The following SPG21 variants were observed in gnomAD, a reference collection of about 807,000 sequenced individuals.
SPG21 encodes SPG21 abhydrolase domain containing, maspardin.
Under a neutral mutation model 38.9 loss-of-function variants are expected in SPG21, and 26 were observed. That is an observed-to-expected ratio of 0.67 (90% confidence interval 0.49 to 0.93). The LOEUF (loss-of-function observed/expected upper bound fraction) is 0.93. Ranked by LOEUF, SPG21 falls within the 40% of genes least tolerant of loss-of-function variation. The pLI, the probability that SPG21 is intolerant of heterozygous loss-of-function variation, is 0.00. For missense variants in SPG21, 333 were observed against 376.5 expected (o/e 0.88, Z 0.96); for synonymous variants, 136 against 128.9 (o/e 1.05, Z -0.37).
At chr15:64,984,330 C>T (rs929275605) in intron 1 of SPG21, among the ~76,000 whole-genome samples, 4 of 152,050 alleles carry the variant, frequency 2.6e-5, no homozygotes, top group African/African-American at 7.2e-5. Context: ...GGATAGTCCA[C>T]GCTAGAGAAA....
Position 64,980,758 on chromosome 15 carries a change from AAC to A in SPG21, c.225+104_225+105del, listed in dbSNP as rs2085867874. 6.8e-6 allele frequency: 9 copies of A among 1,324,264 alleles called. No individual in the cohort carries two copies. In the South Asian group the frequency reaches 7.6e-5, roughly 11 times the overall value. The allele number at this position is 1,324,264 out of a possible 1,614,324, so 82.0% of individuals were successfully genotyped here. A position where few individuals can be genotyped will look rare whatever the true frequency, so the allele number is the denominator to read the frequency against. On this transcript the variant is annotated intron_variant, in intron 3 of 8. Transcript: ENST00000204566. The stretch of plus-strand genomic sequence containing the variant: ...ATCTCAACAAACAAACAAACAAACA[AAC>A]AAACAAACAAACTGTGCCCATTACT...
chr15:64,970,483 C>T (rs1171747908), intron 5 of SPG21, among the ~76,000 whole-genome samples: 2 of 152,166 alleles, frequency 1.3e-5, no homozygotes, highest in East Asian at 3.8e-4. Flanking sequence ...GATAGACATT[C>T]TGATGAGTCC....
intron 8 of SPG21, among the ~76,000 whole-genome samples, 166 bp from the exon 9 acceptor site, chr15:64,963,902 G>T (rs1166085440): frequency 6.6e-6 from 1 of 152,016 alleles, no homozygotes; most frequent in Non-Finnish European, 1.5e-5. Flanking sequence ...GATTACAGGT[G>T]CCCGCCACCA....
In SPG21 at chr15:64,963,692, G is replaced by T; in HGVS notation, c.855C>A (p.Asp285Glu). The T allele has an allele frequency of 1.9e-6, 3 of 1,614,116 alleles. No individual in the cohort carries two copies. The highest frequency in any genetic ancestry group is 2.5e-6 in the Non-Finnish European group (3 of 1,180,006). Residue 285 changes from aspartate (D) to glutamate (E), a missense_variant, in exon 9 of 9, where the codon GAC (aspartate) becomes GAA (glutamate). Asp to Glu is a conservative substitution (Grantham distance 45). Transcript: ENST00000204566. ...GCTCCTCGGCACTGACCATTGATGGGTCAATGGCCGCGTATTTGGTTCCAT... is the reference window on the plus strand; with the variant it reads ...GCTCCTCGGCACTGACCATTGATGGTTCAATGGCCGCGTATTTGGTTCCAT... ...QFHGTKYAAI[D>E]PSMVSAEELE...
At chr15:64,976,116 TA>T (rs1217122676) in intron 4 of SPG21, among the ~76,000 whole-genome samples, 1 of 152,172 alleles carries the variant, frequency 6.6e-6, no homozygotes, top group African/African-American at 2.4e-5. Context: ...TATGTTGCAA[TA>T]AAGCTATTAT....
At position 64,963,724 on chromosome 15, in the gene SPG21, G is replaced by T; in HGVS notation, c.823C>A (p.Gln275Lys). 1.2e-6 allele frequency: 2 copies of T among 1,613,826 alleles called. No individual in the cohort carries two copies. The highest frequency in any genetic ancestry group is 1.7e-6 in the Non-Finnish European group (2 of 1,179,796). Residue 275 changes from glutamine to lysine, a missense_variant, in exon 9 of 9, where the codon CAA (glutamine) becomes AAA (lysine). Physicochemically the swap from Gln to Lys is moderately conservative, Grantham distance 53. Transcript: ENST00000204566. Reference protein sequence around the residue: ...VNLYVQIHLLQFHGTKYAAID... With the variant: ...VNLYVQIHLLKFHGTKYAAID... The stretch of plus-strand genomic sequence containing the variant: ...GCCGCGTATTTGGTTCCATGGAATT[G>T]CAGCAAATGTATCTGTTGAAATGCA...
At chr15:64,976,362 T>C (rs534486300) in intron 4 of SPG21, 113 bp downstream of exon 4, 2 of 697,552 alleles carry the variant, frequency 2.9e-6, no homozygotes, top group Admixed American at 2.3e-5. Context: ...GAGGTGGAGG[T>C]TGCGGTGAGC....
intron 3 of SPG21, among the ~76,000 whole-genome samples, chr15:64,976,902 A>C (rs1251405556): frequency 3.9e-5 from 6 of 152,238 alleles, no homozygotes; most frequent in Non-Finnish European, 8.8e-5. Flanking sequence ...TTTTCTCTTA[A>C]ATCTAATTTC....
chr15:64,968,869 C>T (rs2085602604), intron 7 of SPG21, among the ~76,000 whole-genome samples: 1 of 152,064 alleles, frequency 6.6e-6, no homozygotes, highest in African/African-American at 2.4e-5. Context: ...AATGGGTAGA[C>T]TCCCTTGTTT....
chr15:64,983,544 TC>T lies in SPG21; in HGVS notation c.25del (p.Asp9IlefsTer58). 1 of 1,579,144 alleles carries T rather than the reference TC, an allele frequency of 6.3e-7. No individual in the cohort carries two copies. Among genetic ancestry groups the T allele is most frequent in the Non-Finnish European group, 8.6e-7 (1 of 1,158,550 alleles). On this transcript the variant is annotated frameshift_variant, in exon 2 of 9. Coordinates refer to ENST00000204566, the MANE Select transcript of SPG21 (RefSeq NM_016630.7). LOFTEE classifies it high-confidence loss of function. Reference protein sequence around the residue: MGEIKVSPDYNWFRGTVPL... With the variant: MGEIKVSPXYNWFRGTVPL... ...AACTGTACCTCTAAACCAGTTATAA[TC>T]AGGAGAGACTTTAATCTCTCCCATG...
chr15:64,974,578 CA>C (rs2085738514), intron 5 of SPG21, 23 bp downstream of exon 5: 1 of 1,613,840 alleles, frequency 6.2e-7, no homozygotes, highest in East Asian at 2.2e-5. Context: ...TTTCACTGAA[CA>C]AAAAAAGTAA....
chr15:64,983,095 TA>T, intron 2 of SPG21: 4 of 264,856 alleles, frequency 1.5e-5, no homozygotes, highest in South Asian at 3.0e-5. Context: ...CTGCCTCTAC[TA>T]AAAATACAAA....
intron 1 of SPG21, chr15:64,988,680 G>A (rs1185753375): frequency 1.3e-5 from 2 of 152,248 alleles, no homozygotes. Flanking sequence ...TTTGGACACA[G>A]CTATTAAGTT....
rs371204942 is a variant in SPG21, at chr15:64,974,690, T to C, written c.364A>G (p.Thr122Ala). 9.3e-6 allele frequency: 15 copies of C among 1,614,094 alleles called. No homozygotes were observed. The highest frequency in any genetic ancestry group is 1.6e-4 in the Middle Eastern group (1 of 6,062). ...GFLAQKFAEY[T>A]HKSPRVHSLI... ...GAATGGACTCTAGGAGATTTGTGAG[T>C]GTATTCAGCAAATTTCTGGGCCAAA... The change falls in exon 5 of 9, where the codon ACT (threonine) becomes GCT (alanine). Residue 122 changes from threonine (T) to alanine (A), a missense_variant. Coordinates refer to ENST00000204566, the MANE Select transcript of SPG21 (RefSeq NM_016630.7).
In SPG21 at chr15:64,964,055, C is replaced by T. The variant is rs115176228; in HGVS notation, c.811-319G>A. Among the ~76,000 whole-genome samples the T allele has an allele frequency of 7.5e-3, 1,143 of 152,230 alleles. 8 individuals are homozygous for T. Among genetic ancestry groups the T allele is most frequent in the African/African-American group, 0.026 (1,086 of 41,534 alleles). The stretch of plus-strand genomic sequence containing the variant: ...ACAGGTGTGAGCCACTGCACCCTGC[C>T]AGAATCATTGTTTTAAATGGCTGCA... On this transcript the variant is annotated intron_variant, in intron 8 of 8. Transcript: ENST00000204566.
chr15:64,987,704 C>T (rs1458777919), intron 1 of SPG21, among the ~76,000 whole-genome samples: 2 of 152,198 alleles, frequency 1.3e-5, no homozygotes, highest in Non-Finnish European at 2.9e-5. Flanking sequence ...TGTGGACTCC[C>T]TGTCTTCTCT....
At chr15:64,980,557 C>T (rs1401182725) in intron 3 of SPG21, among the ~76,000 whole-genome samples, 3 of 151,852 alleles carry the variant, frequency 2.0e-5, no homozygotes, top group East Asian at 1.9e-4. Context: ...GCCAACACGG[C>T]GAAACCCCGT....
Position 64,965,309 on chromosome 15 carries a change from C to T in SPG21, c.810+11G>A. The T allele has an allele frequency of 6.2e-7, 1 of 1,614,182 alleles. No homozygotes were observed. The highest frequency in any genetic ancestry group is 8.5e-7 in the Non-Finnish European group (1 of 1,180,036). ...GGCTCAGAGTGCTCTGGGTTTCAAG[C>T]TAGGCCTTACCTGTACATAAAGATT... is the stretch of plus-strand genomic sequence containing the variant. On this transcript the variant is annotated intron_variant, in intron 8 of 8. Coordinates refer to ENST00000204566, the MANE Select transcript of SPG21 (RefSeq NM_016630.7).
At chr15:64,977,105 G>T (rs140707159) in intron 3 of SPG21, among the ~76,000 whole-genome samples, 20 of 152,046 alleles carry the variant, frequency 1.3e-4, no homozygotes, top group Non-Finnish European at 2.1e-4. Context: ...CTCCTCTGTT[G>T]CCCAGGCTGG....
Sources: gnomAD v4.1 joint callset for allele counts (sites outside exome capture counted in the v4.1 genomes callset) on GRCh38, gnomAD v4.1.1 for gene constraint, MANE v1.5 for transcripts, NCBI Gene and HGNC (gene_info 2026-07-23, HGNC 2026-07-21) for gene names.